The following PREP variants were observed in gnomAD, a reference collection of about 807,000 sequenced individuals.
The protein encoded by PREP is prolyl endopeptidase, also known as dJ355L5.1 (prolyl endopeptidase).
Under a neutral mutation model 87.6 loss-of-function variants are expected in PREP, and 29 were observed. The observed-to-expected ratio is 0.33, with a 90% confidence interval of 0.25 to 0.45. PREP has a LOEUF of 0.45. Among genes scored for constraint, PREP ranks in the 20% least tolerant of loss-of-function variants. PREP has a pLI of 1.00. For synonymous variants in PREP, 337 were observed against 328.6 expected, an observed-to-expected ratio of 1.03 and a Z score of -0.28; for missense variants, 695 against 886.5, an observed-to-expected ratio of 0.78 and a Z score of 2.74.
chr6:105,352,894 A>G, intron 7 of PREP, 78 bp downstream of exon 7: 1 of 1,299,670 alleles, frequency 7.7e-7, no homozygotes, highest in South Asian at 1.2e-5. Flanking sequence ...GTCTTGGGAA[A>G]TCAATTAATA....
At chr6:105,343,416 T>TA (rs1218809595) in intron 7 of PREP, among the ~76,000 whole-genome samples, 1 of 152,106 alleles carries the variant, frequency 6.6e-6, no homozygotes, top group Non-Finnish European at 1.5e-5. Context: ...CCAAAAACCA[T>TA]AAAAACCCTA....
At chr6:105,357,422 C>T (rs1772127700) in intron 6 of PREP, among the ~76,000 whole-genome samples, 2 of 152,212 alleles carry the variant, frequency 1.3e-5, no homozygotes. Context: ...ATAGCTGTAG[C>T]AGTTTATACT....
intron 2 of PREP, among the ~76,000 whole-genome samples, chr6:105,395,220 G>A (rs776487730): frequency 1.5e-4 from 23 of 152,154 alleles, no homozygotes; most frequent in South Asian, 2.1e-4. Context: ...GCTGGCCCAG[G>A]GTTCACACCT....
chr6:105,360,618 A>C (rs1420547878), intron 6 of PREP, among the ~76,000 whole-genome samples: 9 of 152,228 alleles, frequency 5.9e-5, no homozygotes, highest in Non-Finnish European at 8.8e-5. Context: ...AAATTGTTAG[A>C]GTATATGTAT....
rs376211143 is a variant in PREP at position 105,365,139 on chromosome 6, C to T, written c.717+3764G>A. Reference sequence around the variant, plus strand: ...GCATGAGCCTGTAATCCCAGCTACTCGGGAGGCTGAGGCAAGAGAATTGCT... The same window carrying T: ...GCATGAGCCTGTAATCCCAGCTACTTGGGAGGCTGAGGCAAGAGAATTGCT... On this transcript the variant is annotated intron_variant, in intron 6 of 14. Coordinates refer to ENST00000652536, the MANE Select transcript of PREP (RefSeq NM_002726.5). Among the ~76,000 whole-genome samples, 55 of 152,246 alleles carry T rather than the reference C, an allele frequency of 3.6e-4. No individual in the cohort carries two copies. In the South Asian group the frequency reaches 8.7e-3, roughly 24 times the overall value.
chr6:105,368,873 T>A, intron 6 of PREP, 30 bp downstream of exon 6: 1 of 1,612,080 alleles, frequency 6.2e-7, no homozygotes, highest in Non-Finnish European at 8.5e-7. Context: ...ACACAGTCTT[T>A]GGGGGTAAAA....
At chr6:105,377,365 A>G (rs1665770717) in intron 3 of PREP, 21 bp downstream of exon 3, 1 of 1,575,680 alleles carries the variant, frequency 6.3e-7, no homozygotes, top group Non-Finnish European at 8.6e-7. Flanking sequence ...TAAAAAGGAA[A>G]TTCAGTAAAA....
At chr6:105,355,217 C>T (rs574326459) in intron 6 of PREP, among the ~76,000 whole-genome samples, 119 of 151,776 alleles carry the variant, frequency 7.8e-4, no homozygotes, top group South Asian at 1.9e-3. Context: ...TCCCGAGTAG[C>T]TGGGATTACA....
At chr6:105,332,005 A>G (rs1448630561) in intron 8 of PREP, among the ~76,000 whole-genome samples, 1 of 152,128 alleles carries the variant, frequency 6.6e-6, no homozygotes, top group East Asian at 1.9e-4. Flanking sequence ...CAACTACTTC[A>G]GAGGAAGAGC....
At chr6:105,333,061 G>C (rs1771379100) in intron 8 of PREP, among the ~76,000 whole-genome samples, 1 of 152,172 alleles carries the variant, frequency 6.6e-6, no homozygotes, top group Non-Finnish European at 1.5e-5. Context: ...TTAAAAAGCA[G>C]TACTTTGGAA....
intron 1 of PREP, 74 bp from the exon 2 acceptor site, chr6:105,398,001 T>C: frequency 8.4e-7 from 1 of 1,191,480 alleles, no homozygotes; most frequent in African/African-American, 1.5e-5. Flanking sequence ...TTTAATGTAA[T>C]GGAGAAATAG....
intron 2 of PREP, among the ~76,000 whole-genome samples, chr6:105,385,474 A>G (rs1450951945): frequency 6.6e-6 from 1 of 152,184 alleles, no homozygotes; most frequent in African/African-American, 2.4e-5. Context: ...AATCTCAATG[A>G]AATGAATAAT....
At chr6:105,303,925 A>G (rs773094882) in intron 10 of PREP, among the ~76,000 whole-genome samples, 131 of 152,186 alleles carry the variant, frequency 8.6e-4, no homozygotes, top group Non-Finnish European at 1.7e-3. Context: ...GTCAAAATTC[A>G]CATTATTTAT....
rs1475971650 is a variant in PREP, at chr6:105,297,529, A to G, written c.1318-8635T>C. Among the ~76,000 whole-genome samples the G allele has an allele frequency of 2.0e-5, 3 of 152,122 alleles. No individual in the cohort carries two copies. The East Asian group carries it at 5.8e-4, about 29-fold the overall frequency. Reference sequence around the variant, plus strand: ...AAATTACTTCCTTTTCCTTTTTCCCATACTGTAACCAATGAGAGAGCTGAT... The same window carrying G: ...AAATTACTTCCTTTTCCTTTTTCCCGTACTGTAACCAATGAGAGAGCTGAT... On this transcript the variant is annotated intron_variant, in intron 10 of 14. Coordinates refer to ENST00000652536, the MANE Select transcript of PREP (RefSeq NM_002726.5).
At chr6:105,327,063 T>C (rs1338017023) in intron 9 of PREP, among the ~76,000 whole-genome samples, 2 of 152,320 alleles carry the variant, frequency 1.3e-5, no homozygotes, top group South Asian at 2.1e-4. Flanking sequence ...TTACAGGCCT[T>C]TGGGGACTCC....
chr6:105,373,231 C>T (rs1380028301), intron 5 of PREP, 138 bp downstream of exon 5: 1 of 945,542 alleles, frequency 1.1e-6, no homozygotes, highest in Admixed American at 2.3e-5. Context: ...CACAGCAAAG[C>T]CAACTGATAC....
chr6:105,323,384 G>A (rs1293256192), intron 10 of PREP, among the ~76,000 whole-genome samples: 1 of 152,042 alleles, frequency 6.6e-6, no homozygotes, highest in Non-Finnish European at 1.5e-5. Flanking sequence ...GATTGACACA[G>A]ACAGAAATGT....
chr6:105,366,292 A>G (rs563992187), intron 6 of PREP, among the ~76,000 whole-genome samples: 18 of 152,154 alleles, frequency 1.2e-4, no homozygotes, highest in Non-Finnish European at 2.4e-4. Flanking sequence ...AAATAAAGTC[A>G]TTACTCAATT....
chr6:105,380,465 T>C (rs559726660), intron 2 of PREP, among the ~76,000 whole-genome samples: 8 of 152,254 alleles, frequency 5.3e-5, no homozygotes, highest in Non-Finnish European at 8.8e-5. Context: ...AAGATTACCG[T>C]GCTTTGGACA....
Sources: gnomAD v4.1 joint callset for allele counts (sites outside exome capture counted in the v4.1 genomes callset) on GRCh38, gnomAD v4.1.1 for gene constraint, MANE v1.5 for transcripts, NCBI Gene and HGNC (gene_info 2026-07-23, HGNC 2026-07-21) for gene names.